The following FMN1 variants were observed in gnomAD, a reference collection of about 807,000 sequenced individuals.
The protein encoded by FMN1 is formin 1.
Under a neutral mutation model 132.4 loss-of-function variants are expected in FMN1, and 110 were observed. The ratio of observed to expected loss-of-function variants is 0.83; its 90% CI spans 0.71 to 0.97. FMN1 has a LOEUF of 0.97. Among genes scored for constraint, FMN1 ranks in the 50% least tolerant of loss-of-function variants. The pLI is 0.00. For synonymous variants in FMN1, 722 were observed against 651.7 expected, an observed-to-expected ratio of 1.11 and a Z score of -1.64; for missense variants, 1,792 against 1,705.3, an observed-to-expected ratio of 1.05 and a Z score of -0.90.
intron 17 of FMN1, among the ~76,000 whole-genome samples, chr15:32,821,068 T>C (rs1255335463): frequency 7.9e-6 from 1 of 126,694 alleles, no homozygotes; most frequent in Non-Finnish European, 1.8e-5. Context: ...GTTGTTGTTG[T>C]TGGAGATGGA....
At chr15:33,151,430 G>A in intron 4 of FMN1, 2 of 1,524,802 alleles carry the variant, frequency 1.3e-6, no homozygotes, top group Admixed American at 3.9e-5. Flanking sequence ...GAGGCCAAAG[G>A]AACATGTGAT....
intron 16 of FMN1, among the ~76,000 whole-genome samples, chr15:32,860,364 C>T (rs1300078992): frequency 6.6e-6 from 1 of 152,092 alleles, no homozygotes; most frequent in African/African-American, 2.4e-5. Context: ...ATAAAATTAG[C>T]AATGTTGGCT....
At chr15:32,856,497 C>A (rs1184604814) in intron 17 of FMN1, among the ~76,000 whole-genome samples, 1 of 152,158 alleles carries the variant, frequency 6.6e-6, no homozygotes, top group Non-Finnish European at 1.5e-5. Flanking sequence ...ACTGACTAAC[C>A]CCCAGAGGGC....
chr15:33,034,695 A>G (rs989702112), intron 6 of FMN1, among the ~76,000 whole-genome samples: 4 of 151,926 alleles, frequency 2.6e-5, no homozygotes, highest in African/African-American at 9.7e-5. Context: ...TACTACCTCC[A>G]TCACTACAAC....
intron 12 of FMN1, among the ~76,000 whole-genome samples, chr15:32,907,274 C>G (rs1036273529): frequency 6.6e-6 from 1 of 152,038 alleles, no homozygotes; most frequent in Non-Finnish European, 1.5e-5. Flanking sequence ...CCTGATGGTC[C>G]CTCTAGCTTC....
chr15:32,886,909 G>A (rs1222770427), intron 16 of FMN1, among the ~76,000 whole-genome samples: 1 of 151,998 alleles, frequency 6.6e-6, no homozygotes, highest in East Asian at 1.9e-4. Flanking sequence ...AATTCTTCAG[G>A]AGACAGAAAA....
chr15:33,067,389 G>A lies in FMN1; in HGVS notation c.2044-2315C>T, dbSNP rs774988835. ...GATAAAACACCACTAGGGGACTTTG[G>A]GCCATTGGTGCTGCTTCCCTCCTCT... On this transcript the variant is annotated intron_variant, in intron 5 of 20. Coordinates refer to ENST00000616417, the MANE Select transcript of FMN1 (RefSeq NM_001277313.2). 18 of 1,613,866 alleles carry A rather than the reference G, an allele frequency of 1.1e-5. No individual in the cohort carries two copies. The Middle Eastern group carries it at 1.6e-3, about 147-fold the overall frequency.
chr15:32,964,910 T>G (rs2031048662), intron 8 of FMN1, among the ~76,000 whole-genome samples: 1 of 152,088 alleles, frequency 6.6e-6, no homozygotes, highest in Admixed American at 6.6e-5. Flanking sequence ...TCATCTAAAG[T>G]AGCCATAGGG....
intron 6 of FMN1, among the ~76,000 whole-genome samples, chr15:33,035,425 T>G (rs1204816026): frequency 6.6e-6 from 1 of 152,184 alleles, no homozygotes; most frequent in Non-Finnish European, 1.5e-5. Context: ...GGTCCTTAGA[T>G]CCCAGATAAA....
intron 7 of FMN1, among the ~76,000 whole-genome samples, chr15:32,971,978 G>C (rs56241752): frequency 0.045 from 6,780 of 152,260 alleles, 219 homozygotes; most frequent in Middle Eastern, 0.11. Context: ...CATTTGTTTA[G>C]TGTAGTGGGC....
intron 11 of FMN1, among the ~76,000 whole-genome samples, chr15:32,908,884 C>A (rs62003760): frequency 0.27 from 40,693 of 152,026 alleles, 5,789 homozygotes; most frequent in Non-Finnish European, 0.32. Flanking sequence ...GCTATTTGAG[C>A]TCTACTTTTG....
intron 4 of FMN1, among the ~76,000 whole-genome samples, chr15:33,117,991 C>G (rs993897158): frequency 5.3e-5 from 8 of 152,068 alleles, no homozygotes; most frequent in African/African-American, 1.9e-4. Flanking sequence ...TGTTAATTTG[C>G]AAAGACTTTT....
chr15:33,162,347 C>T (rs745556258), intron 3 of FMN1, among the ~76,000 whole-genome samples: 1 of 150,620 alleles, frequency 6.6e-6, no homozygotes, highest in South Asian at 2.1e-4. Flanking sequence ...GGAGTAAGAA[C>T]GTAGGAATAA....
intron 4 of FMN1, chr15:33,151,327 T>TA: frequency 6.5e-7 from 1 of 1,536,640 alleles, no homozygotes; most frequent in Admixed American, 2.0e-5. Context: ...AGGAGATGCT[T>TA]ACAGTTCTTA....
At chr15:33,175,219 G>A (rs1278220151) in intron 3 of FMN1, among the ~76,000 whole-genome samples, 1 of 151,982 alleles carries the variant, frequency 6.6e-6, no homozygotes, top group Non-Finnish European at 1.5e-5. Context: ...TTGGTTGGTT[G>A]TTTTTGTTTG....
chr15:32,984,978 C>CAAAAAAAAAAA (rs11330959), intron 7 of FMN1, among the ~76,000 whole-genome samples: 83 of 97,226 alleles, frequency 8.5e-4, no homozygotes, highest in African/African-American at 1.3e-3. Flanking sequence ...CATCCATCAC[C>CAAAAAAAAAAA]AAAAAAAAAA....
chr15:32,973,684 T>C (rs898325749), intron 7 of FMN1, among the ~76,000 whole-genome samples: 3 of 152,078 alleles, frequency 2.0e-5, no homozygotes, highest in Non-Finnish European at 4.4e-5. Context: ...GCAGAGCAAC[T>C]CAAAGTGATT....
intron 6 of FMN1, among the ~76,000 whole-genome samples, chr15:33,016,474 T>G (rs2035050846): frequency 6.6e-6 from 1 of 152,206 alleles, no homozygotes; most frequent in Non-Finnish European, 1.5e-5. Flanking sequence ...AATGCAGTCC[T>G]TAGTAACTGT....
chr15:32,791,867 G>A (rs1203051649), intron 19 of FMN1, among the ~76,000 whole-genome samples: 2 of 152,180 alleles, frequency 1.3e-5, no homozygotes, highest in Non-Finnish European at 2.9e-5. Flanking sequence ...GAGACATATT[G>A]AATTGCAGAT....
Sources: allele counts gnomAD v4.1 joint callset (sites outside exome capture counted in the v4.1 genomes callset), GRCh38; gene constraint gnomAD v4.1.1; transcripts MANE v1.5; gene names NCBI Gene and HGNC (gene_info 2026-07-23, HGNC 2026-07-21).